The following EXPH5 variants were observed in gnomAD, a reference collection of about 807,000 sequenced individuals.
The protein encoded by EXPH5 is exophilin-5.
A neutral mutation model predicts 41.1 loss-of-function variants in EXPH5; 42 were observed. That is an observed-to-expected ratio of 1.02 (90% CI 0.80 to 1.32). The LOEUF is 1.32. Ranked by LOEUF, EXPH5 falls within the 40% of genes most tolerant of loss-of-function variation. The pLI, the probability that EXPH5 is intolerant of heterozygous loss-of-function variation, is 0.00. For missense variants in EXPH5, 2,298 were observed against 2,314.5 expected (o/e 0.99, Z 0.15); for synonymous variants, 798 against 833.5 (o/e 0.96, Z 0.73).
At position 108,525,627 on chromosome 11, in the gene EXPH5, T is replaced by C. The variant is rs563654326; in HGVS notation, c.492+2509A>G. Among the ~76,000 whole-genome samples, 3 of 152,296 alleles carry C rather than the reference T, an allele frequency of 2.0e-5. No homozygotes were observed. In the South Asian group the frequency reaches 6.2e-4, roughly 32 times the overall value. Reference sequence around the variant, plus strand: ...TTAAGTGGAAGATCATCTAATAATATAGTACAACTTCCCATGAAATAGTGG... The same window carrying C: ...TTAAGTGGAAGATCATCTAATAATACAGTACAACTTCCCATGAAATAGTGG... On this transcript the variant is annotated intron_variant, in intron 4 of 5. Transcript: ENST00000265843.
At chr11:108,549,193 C>G (rs1292579727) in intron 1 of EXPH5, among the ~76,000 whole-genome samples, 1 of 152,214 alleles carries the variant, frequency 6.6e-6, no homozygotes, top group Admixed American at 6.5e-5. Flanking sequence ...GTTGTCTACA[C>G]TTCTAATTTG....
At position 108,511,080 on chromosome 11, in the gene EXPH5, G is replaced by A. The variant is rs759792392; in HGVS notation, c.4427C>T (p.Ser1476Phe). 106 of 1,614,006 alleles carry A rather than the reference G, an allele frequency of 6.6e-5. No individual in the cohort carries two copies. The highest frequency in any genetic ancestry group is 9.0e-5 in the Non-Finnish European group (106 of 1,179,998). The change falls in exon 6 of 6, where the codon TCC becomes TTC. Residue 1476 changes from serine (S) to phenylalanine (F), a missense_variant. Ser to Phe is a radical substitution (Grantham distance 155). Transcript: ENST00000265843. Reference sequence around the variant, plus strand: ...GCCTTCCCTAGGCTGTGATCCACTGGAGCCATCACCTACAGCTGTGGATGT... The same window carrying A: ...GCCTTCCCTAGGCTGTGATCCACTGAAGCCATCACCTACAGCTGTGGATGT... ...DHTSTAVGDG[S>F]SGSQPREGRG...
At chr11:108,600,756 A>G in the EXPH5 span, among the ~76,000 whole-genome samples, 1 of 152,222 alleles carries the variant, frequency 6.6e-6, no homozygotes, top group Non-Finnish European at 1.5e-5. Context: ...TTCAAATAAT[A>G]CATTAACCAT....
intron 2 of EXPH5, among the ~76,000 whole-genome samples, chr11:108,541,198 G>A (rs151318255): frequency 3.9e-5 from 6 of 151,934 alleles, no homozygotes; most frequent in African/African-American, 7.2e-5. Flanking sequence ...AGCCACCCCC[G>A]ACCCCCTGCC....
intron 1 of EXPH5, among the ~76,000 whole-genome samples, chr11:108,593,059 C>T (rs2094131544): frequency 6.6e-6 from 1 of 152,224 alleles, no homozygotes; most frequent in South Asian, 2.1e-4. Context: ...CAGATCGCGC[C>T]CCCGCCGCAT....
chr11:108,538,615 C>A (rs2093894135), intron 3 of EXPH5, among the ~76,000 whole-genome samples: 2 of 152,096 alleles, frequency 1.3e-5, no homozygotes, highest in South Asian at 4.1e-4. Flanking sequence ...TAGTCGTTAC[C>A]CCAACTCTCC....
intron 1 of EXPH5, among the ~76,000 whole-genome samples, chr11:108,592,894 C>T (rs912804150): frequency 2.6e-5 from 4 of 152,246 alleles, no homozygotes; most frequent in Non-Finnish European, 4.4e-5. Flanking sequence ...GGTGCCGGCT[C>T]TCCCGTGCTT....
intron 1 of EXPH5, among the ~76,000 whole-genome samples, chr11:108,590,625 T>C (rs1183263691): frequency 6.6e-6 from 1 of 152,094 alleles, no homozygotes; most frequent in East Asian, 1.9e-4. Flanking sequence ...CATGACACTG[T>C]AGTTCTTTTT....
At chr11:108,566,965 C>T (rs970490870) in intron 1 of EXPH5, among the ~76,000 whole-genome samples, 15 of 152,144 alleles carry the variant, frequency 9.9e-5, no homozygotes, top group Non-Finnish European at 1.9e-4. Context: ...GAGAAAGGGG[C>T]CACAAAACCC....
upstream of EXPH5, among the ~76,000 whole-genome samples, chr11:108,596,268 G>A (rs956925428): frequency 3.3e-4 from 50 of 152,078 alleles, no homozygotes; most frequent in Admixed American, 3.1e-3. Context: ...ATGGCATCAA[G>A]GAAACCATTG....
intron 1 of EXPH5, among the ~76,000 whole-genome samples, chr11:108,553,280 A>C (rs1363324921): frequency 6.6e-6 from 1 of 152,216 alleles, no homozygotes; most frequent in African/African-American, 2.4e-5. Flanking sequence ...AACAGAAGGA[A>C]AAGGTAAGTT....
intron 4 of EXPH5, among the ~76,000 whole-genome samples, chr11:108,519,570 A>T (rs1490487442): frequency 6.6e-6 from 1 of 152,034 alleles, no homozygotes; most frequent in African/African-American, 2.4e-5. Context: ...AAAATGGTGA[A>T]ACCACTGTCT....
At chr11:108,520,127 C>T (rs2093755743) in intron 4 of EXPH5, among the ~76,000 whole-genome samples, 1 of 152,076 alleles carries the variant, frequency 6.6e-6, no homozygotes, top group South Asian at 2.1e-4. Context: ...CGAGCATTAC[C>T]GCCTGAGCTC....
At position 108,511,995 on chromosome 11, in the gene EXPH5, C is replaced by T; in HGVS notation, c.3512G>A (p.Arg1171Lys). The T allele has an allele frequency of 1.3e-6, 2 of 1,594,250 alleles. No homozygotes were observed. The highest frequency in any genetic ancestry group is 1.7e-6 in the Non-Finnish European group (2 of 1,173,746). Reference protein sequence around the residue: ...ISPVESDSSVRDCSLTKRQHQ... With the variant: ...ISPVESDSSVKDCSLTKRQHQ... ...TTGTCTTTTGGTTAAAGAACAATCTCTAACAGATGAGTCACTTTCCACAGG... is the reference window on the plus strand; with the variant it reads ...TTGTCTTTTGGTTAAAGAACAATCTTTAACAGATGAGTCACTTTCCACAGG... Residue 1171 changes from arginine (R) to lysine (K), a missense_variant, in exon 6 of 6, where the codon AGA (arginine) becomes AAA (lysine). Arg to Lys is a conservative substitution (Grantham distance 26). Coordinates refer to ENST00000265843, the MANE Select transcript of EXPH5 (RefSeq NM_015065.3).
chr11:108,563,909 G>C (rs532398115), intron 1 of EXPH5, among the ~76,000 whole-genome samples: 71 of 152,278 alleles, frequency 4.7e-4, no homozygotes, highest in Middle Eastern at 6.8e-3. Context: ...TCTCTGAATT[G>C]AGACTGTGTT....
intron 1 of EXPH5, among the ~76,000 whole-genome samples, chr11:108,558,794 C>A (rs1024387966): frequency 6.6e-6 from 1 of 152,106 alleles, no homozygotes; most frequent in African/African-American, 2.4e-5. Context: ...TTTCTGGAGG[C>A]GGAAAGTTTA....
intron 3 of EXPH5, among the ~76,000 whole-genome samples, chr11:108,534,902 G>A (rs1410936026): frequency 6.6e-6 from 1 of 152,210 alleles, no homozygotes; most frequent in Non-Finnish European, 1.5e-5. Flanking sequence ...AAAGTTCTGT[G>A]GCGTGCTGCC....
At chr11:108,540,519 CAT>C (rs774024271) in intron 2 of EXPH5, among the ~76,000 whole-genome samples, 5 of 152,028 alleles carry the variant, frequency 3.3e-5, no homozygotes, top group Non-Finnish European at 5.9e-5. Flanking sequence ...ATATTATCAA[CAT>C]AGAAGTTTAG....
At chr11:108,596,404 A>C (rs1245393680), upstream of EXPH5, among the ~76,000 whole-genome samples, 1 of 152,148 alleles carries the variant, frequency 6.6e-6, no homozygotes. Context: ...AAAAAGGAGG[A>C]TTAAGAAAGA....
Sources: gnomAD v4.1 joint callset for allele counts (sites outside exome capture counted in the v4.1 genomes callset) on GRCh38, gnomAD v4.1.1 for gene constraint, MANE v1.5 for transcripts, NCBI Gene and HGNC (gene_info 2026-07-23, HGNC 2026-07-21) for gene names.